PTGER3: variants seen among roughly 807,000 people sequenced by gnomAD.
PTGER3 encodes the protein prostaglandin E2 receptor EP3 subtype.
PTGER3 carries 22 observed loss-of-function variants against 34.7 expected under a neutral mutation model. That is an observed-to-expected ratio of 0.63 (90% CI 0.45 to 0.91). The LOEUF is 0.91. Ranked by LOEUF, PTGER3 falls within the 40% of genes least tolerant of loss-of-function variation. PTGER3 has a pLI of 0.00. For synonymous variants in PTGER3, 241 were observed against 230.1 expected (o/e 1.05, Z -0.43); for missense variants, 468 against 519.4 (o/e 0.90, Z 0.96).
intron 4 of PTGER3, among the ~76,000 whole-genome samples, chr1:70,936,101 C>T (rs971444368): frequency 3.3e-5 from 5 of 152,134 alleles, no homozygotes; most frequent in African/African-American, 1.2e-4. Context: ...CAAAGTGGAT[C>T]TCAGAACTCT....
intron 4 of PTGER3, among the ~76,000 whole-genome samples, chr1:70,925,784 A>C (rs1648018324): frequency 6.6e-6 from 1 of 152,268 alleles, no homozygotes; most frequent in South Asian, 2.1e-4. Flanking sequence ...GAGAGGTAAA[A>C]GTGAAGGTAG....
intron 2 of PTGER3, among the ~76,000 whole-genome samples, chr1:70,963,484 C>A (rs971050598): frequency 6.6e-6 from 1 of 152,202 alleles, no homozygotes; most frequent in Admixed American, 6.5e-5. Flanking sequence ...CCTCTGAAAT[C>A]CAGGAAGAGG....
At chr1:71,002,635 TAA>T (rs1656594463) in intron 2 of PTGER3, among the ~76,000 whole-genome samples, 1 of 152,228 alleles carries the variant, frequency 6.6e-6, no homozygotes, top group Non-Finnish European at 1.5e-5. Context: ...CGGACAGGGA[TAA>T]GAGTCATGCA....
chr1:71,017,041 A>C (rs1195661925), intron 1 of PTGER3, among the ~76,000 whole-genome samples: 2 of 152,126 alleles, frequency 1.3e-5, no homozygotes, highest in Admixed American at 6.6e-5. Context: ...CTCCTGCCAC[A>C]CACAAAGATA....
chr1:71,002,986 A>T (rs929666014), intron 2 of PTGER3, among the ~76,000 whole-genome samples: 10 of 152,352 alleles, frequency 6.6e-5, no homozygotes, highest in African/African-American at 2.4e-4. Context: ...TTGGTATCAA[A>T]GAGCTGTTTA....
intron 4 of PTGER3, among the ~76,000 whole-genome samples, chr1:70,878,020 G>T (rs1646309163): frequency 6.6e-6 from 1 of 152,052 alleles, no homozygotes; most frequent in African/African-American, 2.4e-5. Context: ...CAATAGAATT[G>T]GTACCAGTTC....
rs908889305 is a variant in PTGER3 at position 71,044,262 on chromosome 1, C to A, written c.897+2419G>T. Among the ~76,000 whole-genome samples, 19 of 151,580 alleles carry A rather than the reference C, an allele frequency of 1.3e-4. No individual in the cohort carries two copies. The South Asian group carries it at 2.9e-3, about 23-fold the overall frequency. ...GACCAGCCTGGCCAACATGGTGAAA[C>A]CCCATCTCTACTAAAAATACAAAAA... On this transcript the variant is annotated intron_variant, in intron 1 of 3. Coordinates refer to ENST00000306666, the MANE Select transcript of PTGER3 (RefSeq NM_198719.2).
At chr1:70,937,785 A>G (rs1357777829) in intron 4 of PTGER3, among the ~76,000 whole-genome samples, 1 of 152,214 alleles carries the variant, frequency 6.6e-6, no homozygotes, top group East Asian at 1.9e-4. Context: ...TGAAAATAGA[A>G]TACCCTTTTA....
At chr1:70,897,154 T>G (rs1015214339) in intron 4 of PTGER3, among the ~76,000 whole-genome samples, 2 of 152,102 alleles carry the variant, frequency 1.3e-5, no homozygotes, top group Admixed American at 1.3e-4. Flanking sequence ...TCCCCTTTCC[T>G]TTGTCCTCCC....
chr1:70,931,796 G>A (rs1239947308), intron 4 of PTGER3, among the ~76,000 whole-genome samples: 1 of 152,200 alleles, frequency 6.6e-6, no homozygotes, highest in Non-Finnish European at 1.5e-5. Flanking sequence ...CCTGGTCTGT[G>A]ATGGGAGGGG....
chr1:70,910,778 C>A (rs1339395352), intron 4 of PTGER3, among the ~76,000 whole-genome samples: 2 of 152,166 alleles, frequency 1.3e-5, no homozygotes, highest in Non-Finnish European at 2.9e-5. Flanking sequence ...GAGCCACGTT[C>A]TGGTTGTAAA....
intron 2 of PTGER3, among the ~76,000 whole-genome samples, chr1:70,983,201 A>G (rs764574892): frequency 3.9e-4 from 59 of 150,126 alleles, no homozygotes; most frequent in Non-Finnish European, 7.3e-4. Flanking sequence ...GAACCTAATG[A>G]CTCCCTGGAA....
chr1:71,015,905 A>G (rs776001219), intron 1 of PTGER3, among the ~76,000 whole-genome samples: 1 of 152,128 alleles, frequency 6.6e-6, no homozygotes, highest in Non-Finnish European at 1.5e-5. Flanking sequence ...GTTTTGGCTT[A>G]TAAGGCAAAC....
chr1:70,928,457 A>AC (rs1648351419), intron 4 of PTGER3, among the ~76,000 whole-genome samples: 1 of 151,624 alleles, frequency 6.6e-6, no homozygotes, highest in South Asian at 2.1e-4. Context: ...ATATAGTGAG[A>AC]CCCCCATCTA....
At chr1:70,961,237 C>A (rs1214270401) in intron 2 of PTGER3, among the ~76,000 whole-genome samples, 2 of 152,246 alleles carry the variant, frequency 1.3e-5, no homozygotes, top group Non-Finnish European at 2.9e-5. Context: ...TTTCAACAAT[C>A]CTGCCTGATT....
At chr1:70,890,927 T>G (rs1219055889) in intron 4 of PTGER3, among the ~76,000 whole-genome samples, 1 of 152,158 alleles carries the variant, frequency 6.6e-6, no homozygotes, top group Non-Finnish European at 1.5e-5. Flanking sequence ...TTTTGTTCCT[T>G]AAGTACCTTA....
intron 1 of PTGER3, among the ~76,000 whole-genome samples, chr1:71,037,139 G>A (rs146716952): frequency 3.2e-4 from 48 of 152,274 alleles, no homozygotes; most frequent in African/African-American, 1.0e-3. Flanking sequence ...TGGACCAGCC[G>A]TGTCCTGCCC....
rs553350638 is a variant in PTGER3 at position 71,007,918 on chromosome 1, G to A, written c.1077+4387C>T. The A allele has an allele frequency of 1.4e-5, 14 of 985,232 alleles. No individual in the cohort carries two copies. In the East Asian group the frequency reaches 1.6e-3, roughly 112 times the overall value. 61.0% of individuals were successfully genotyped at this position (985,232 alleles called of 1,614,324 possible). A position where few individuals can be genotyped will look rare whatever the true frequency, so the allele number is the denominator to read the frequency against. ...AAAAATGCTCAAAAAAGCATGAAAA[G>A]GCTGACTTGTTTCTGATGGTGATCT... On this transcript the variant is annotated intron_variant, in intron 2 of 3. Transcript: ENST00000306666.
chr1:70,886,368 T>G (rs2100243824), intron 4 of PTGER3: 1 of 434,396 alleles, frequency 2.3e-6, no homozygotes, highest in Non-Finnish European at 4.6e-6. Flanking sequence ...CCACCTAGTC[T>G]GTGGTATCTT....
Sources: allele counts gnomAD v4.1 joint callset (sites outside exome capture counted in the v4.1 genomes callset), GRCh38; gene constraint gnomAD v4.1.1; transcripts MANE v1.5; gene names NCBI Gene and HGNC (gene_info 2026-07-23, HGNC 2026-07-21).